Variants in SLCO6A1 observed in about 807,000 individuals in gnomAD.
The protein encoded by SLCO6A1 is cancer/testis antigen 48.
SLCO6A1 carries 65 observed loss-of-function variants against 72.7 expected under a neutral mutation model. That is an observed-to-expected ratio of 0.89 (90% confidence interval 0.73 to 1.10). The LOEUF is 1.10. Among genes scored for constraint, SLCO6A1 ranks in the 50% least tolerant of loss-of-function variants. SLCO6A1 has a pLI of 0.00. For missense variants in SLCO6A1, 874 were observed against 872.6 expected (o/e 1.00, Z -0.02); for synonymous variants, 314 against 298.2 (o/e 1.05, Z -0.55).
intron 10 of SLCO6A1, among the ~76,000 whole-genome samples, chr5:102,391,962 A>G (rs1214145150): frequency 6.6e-6 from 1 of 152,132 alleles, no homozygotes; most frequent in Non-Finnish European, 1.5e-5. Flanking sequence ...AAATAAAAAT[A>G]CAATTAAAAA....
At chr5:102,405,496 C>T (rs997061967) in intron 9 of SLCO6A1, among the ~76,000 whole-genome samples, 1 of 151,694 alleles carries the variant, frequency 6.6e-6, no homozygotes, top group Non-Finnish European at 1.5e-5. Flanking sequence ...TCATCAGAAA[C>T]CATGGATGCT....
At chr5:102,485,762 C>T (rs778111370) in intron 1 of SLCO6A1, among the ~76,000 whole-genome samples, 2 of 152,088 alleles carry the variant, frequency 1.3e-5, no homozygotes, top group Admixed American at 6.5e-5. Context: ...TGTAATAAAC[C>T]ATAACCAAGA....
Position 102,420,019 on chromosome 5 carries a change from G to T in SLCO6A1, c.1279C>A (p.Leu427Ile), listed in dbSNP as rs1383718884. 2.6e-6 allele frequency: 4 copies of T among 1,559,586 alleles called. No homozygotes were observed. Among genetic ancestry groups the T allele is most frequent in the Non-Finnish European group, 3.4e-6 (4 of 1,161,906 alleles). ...TPTVATTLAG[L>I]VLIPGGALGQ... Reference sequence around the variant, plus strand: ...AGTGCACCTCCTGGAATTAAAACAAGTCCTAAAAAAAAGGAGGAGAAAAAC... The same window carrying T: ...AGTGCACCTCCTGGAATTAAAACAATTCCTAAAAAAAAGGAGGAGAAAAAC... Residue 427 changes from leucine to isoleucine, a missense_variant and splice_region_variant, in exon 8 of 14, where the codon CTT becomes ATT. Leu to Ile is a conservative substitution (Grantham distance 5, BLOSUM62 2). Transcript: ENST00000506729.
At chr5:102,451,144 C>CTG (rs2112725035) in intron 6 of SLCO6A1, among the ~76,000 whole-genome samples, 1 of 152,322 alleles carries the variant, frequency 6.6e-6, no homozygotes, top group South Asian at 2.1e-4. Context: ...GGAAGCTACA[C>CTG]TGTGCAGGAG....
intron 1 of SLCO6A1, among the ~76,000 whole-genome samples, chr5:102,493,145 A>G (rs1752758891): frequency 6.9e-6 from 1 of 145,642 alleles, no homozygotes; most frequent in Non-Finnish European, 1.5e-5. Flanking sequence ...TAAGAAGGGG[A>G]AAAACATCCC....
chr5:102,451,669 G>A (rs1387659168), intron 6 of SLCO6A1, among the ~76,000 whole-genome samples: 5 of 152,146 alleles, frequency 3.3e-5, no homozygotes, highest in South Asian at 4.1e-4. Context: ...TTTCCCCTCC[G>A]TGGGGAGCCT....
At chr5:102,455,609 A>G (rs1326407202) in intron 6 of SLCO6A1, among the ~76,000 whole-genome samples, 2 of 152,132 alleles carry the variant, frequency 1.3e-5, no homozygotes, top group Non-Finnish European at 2.9e-5. Flanking sequence ...TTCTCTTCTG[A>G]GTTACTTAAA....
At chr5:102,434,987 A>C (rs1456017163) in intron 7 of SLCO6A1, among the ~76,000 whole-genome samples, 1 of 152,198 alleles carries the variant, frequency 6.6e-6, no homozygotes, top group East Asian at 1.9e-4. Flanking sequence ...GATAAAGTGC[A>C]GTACATAATT....
In SLCO6A1 at chr5:102,458,508, A is replaced by T; in HGVS notation, c.1022-17T>A. 1 of 1,566,400 alleles carries T rather than the reference A, an allele frequency of 6.4e-7. No individual in the cohort carries two copies. Among genetic ancestry groups the T allele is most frequent in the South Asian group, 1.1e-5 (1 of 87,154 alleles). ...GTGTTGAACCTATATATAAACAAGT[A>T]AAAAAACTTATGACATATTCAAATA... On this transcript the variant is annotated splice_polypyrimidine_tract_variant and intron_variant, in intron 5 of 13. Transcript: ENST00000506729.
intron 9 of SLCO6A1, among the ~76,000 whole-genome samples, chr5:102,405,099 C>G (rs1747603111): frequency 2.6e-5 from 4 of 151,978 alleles, no homozygotes; most frequent in Admixed American, 2.6e-4. Context: ...GTGAGAGTCC[C>G]TTTTCTGACA....
intron 7 of SLCO6A1, among the ~76,000 whole-genome samples, chr5:102,431,864 T>C (rs1257343915): frequency 1.3e-5 from 2 of 152,140 alleles, no homozygotes; most frequent in Non-Finnish European, 2.9e-5. Context: ...TTGGTGGGGG[T>C]CTAAGGCTCT....
At chr5:102,443,817 T>C (rs1749968320) in intron 6 of SLCO6A1, among the ~76,000 whole-genome samples, 1 of 152,208 alleles carries the variant, frequency 6.6e-6, no homozygotes, top group Non-Finnish European at 1.5e-5. Flanking sequence ...CAGATAGATA[T>C]ACAAATAAAT....
chr5:102,474,749 G>A (rs1751807395), intron 4 of SLCO6A1, among the ~76,000 whole-genome samples: 1 of 151,984 alleles, frequency 6.6e-6, no homozygotes. Context: ...ATTTAAAAAT[G>A]GCCAAAGGAC....
At chr5:102,435,299 T>C (rs1030458224) in intron 7 of SLCO6A1, among the ~76,000 whole-genome samples, 3 of 152,190 alleles carry the variant, frequency 2.0e-5, no homozygotes, top group Non-Finnish European at 4.4e-5. Context: ...AATGCATGTT[T>C]GTTGTAGCCT....
chr5:102,441,559 T>C (rs1456865647), intron 6 of SLCO6A1, among the ~76,000 whole-genome samples: 1 of 152,126 alleles, frequency 6.6e-6, no homozygotes, highest in Non-Finnish European at 1.5e-5. Context: ...AATTGTATAA[T>C]CAGTTTCTCA....
At chr5:102,423,082 T>A (rs1748696000) in intron 7 of SLCO6A1, among the ~76,000 whole-genome samples, 1 of 152,136 alleles carries the variant, frequency 6.6e-6, no homozygotes, top group Admixed American at 6.6e-5. Context: ...TGTTGAAGGA[T>A]TTTGTCACCA....
At chr5:102,465,470 C>T (rs1039413864) in intron 4 of SLCO6A1, among the ~76,000 whole-genome samples, 1 of 152,096 alleles carries the variant, frequency 6.6e-6, no homozygotes, top group Admixed American at 6.6e-5. Flanking sequence ...TTCCCCACTA[C>T]CCTATCATGC....
At chr5:102,440,538 A>G (rs1472543498) in intron 6 of SLCO6A1, among the ~76,000 whole-genome samples, 1 of 152,112 alleles carries the variant, frequency 6.6e-6, no homozygotes. Context: ...TAATAATAGA[A>G]ATAAAGTGCA....
chr5:102,498,385 G>A, intron 1 of SLCO6A1, 102 bp downstream of exon 1: 3 of 1,156,284 alleles, frequency 2.6e-6, no homozygotes, highest in South Asian at 2.9e-5. Flanking sequence ...CCCAGGGCAT[G>A]CTGGGCCACC....
Sources: allele counts gnomAD v4.1 joint callset (sites outside exome capture counted in the v4.1 genomes callset), GRCh38; gene constraint gnomAD v4.1.1; transcripts MANE v1.5; gene names NCBI Gene and HGNC (gene_info 2026-07-23, HGNC 2026-07-21).